Variants in GATA5 observed in about 807,000 individuals in gnomAD.
GATA5 encodes the protein transcription factor GATA-5.
Under a neutral mutation model 35.0 loss-of-function variants are expected in GATA5, and 27 were observed. That is an observed-to-expected ratio of 0.77 (90% CI 0.57 to 1.06). The LOEUF is 1.06. Among genes scored for constraint, GATA5 ranks in the 50% least tolerant of loss-of-function variants. The pLI is 0.00. For synonymous variants in GATA5, 306 were observed against 267.8 expected (o/e 1.14, Z -1.39); for missense variants, 612 against 580.0 (o/e 1.06, Z -0.57).
In GATA5 at chr20:62,473,508, C is replaced by T. The variant is rs781910978; in HGVS notation, c.594G>A (p.Pro198=). 5.6e-5 allele frequency: 90 copies of T among 1,608,902 alleles called. No individual in the cohort carries two copies. The highest frequency in any genetic ancestry group is 6.6e-5 in the South Asian group (6 of 90,334). The change falls in exon 3 of 7, where the codon CCG becomes CCA. Residue 198 remains proline (P), a synonymous_variant. Transcript: ENST00000252997. ...GGCCGGTGCCGTCTCGGCGCCACAG[C>T]GGTGTGGACAGGGCCCCGCAGTTGA... ...ECVNCGALST[P]LWRRDGTGHY... is the part of the protein sequence containing the mutation.
At chr20:62,471,287 C>G (rs1555896506) in intron 3 of GATA5, among the ~76,000 whole-genome samples, 1 of 151,948 alleles carries the variant, frequency 6.6e-6, no homozygotes. Context: ...GAGGGGCAGC[C>G]CTTTGCATGG....
chr20:62,465,510 C>T lies in GATA5; in HGVS notation c.914-46G>A, dbSNP rs782410621. The stretch of plus-strand genomic sequence containing the variant: ...TTTACAGAGGGGTCAGGTGTGGCCT[C>T]ACTTCCCCTTCCTGCCATGTAGCGG... On this transcript the variant is annotated intron_variant, in intron 5 of 6. Transcript: ENST00000252997. The T allele has an allele frequency of 8.9e-6, 14 of 1,573,796 alleles. No homozygotes were observed. In the East Asian group the frequency reaches 2.7e-4, roughly 30 times the overall value.
In GATA5 at chr20:62,470,390, C is replaced by G. The variant is rs1353230119; in HGVS notation, c.699+3013G>C. Among the ~76,000 whole-genome samples the G allele has an allele frequency of 1.3e-5, 2 of 152,226 alleles. No individual in the cohort carries two copies. Among genetic ancestry groups the G allele is most frequent in the African/African-American group, 4.8e-5 (2 of 41,462 alleles). On this transcript the variant is annotated intron_variant, in intron 3 of 6. Coordinates refer to ENST00000252997, the MANE Select transcript of GATA5 (RefSeq NM_080473.5). This position sits in a 1 kb window ranked among gnomAD's most constrained non-coding sequence, Gnocchi z 4.6. The stretch of plus-strand genomic sequence containing the variant: ...AGGCTGCTGTGCCGCAGAGTCTGAG[C>G]CTTGGGGACGGGTGAGTGGCTGGAA...
intron 1 of GATA5, 55 bp from the exon 2 acceptor site, chr20:62,475,597 G>A (rs972267570): frequency 3.5e-6 from 4 of 1,150,192 alleles, no homozygotes; most frequent in Non-Finnish European, 4.4e-6. Flanking sequence ...CCCTCCGCCA[G>A]CGCCCGAGCT....
intron 3 of GATA5, among the ~76,000 whole-genome samples, chr20:62,472,632 C>T (rs552908937): frequency 3.3e-5 from 5 of 152,198 alleles, no homozygotes; most frequent in South Asian, 4.1e-4. Flanking sequence ...ACATCAACAC[C>T]CCAAATCCTT....
At chr20:62,472,051 C>T (rs1291507862) in intron 3 of GATA5, among the ~76,000 whole-genome samples, 1 of 152,084 alleles carries the variant, frequency 6.6e-6, no homozygotes, top group Non-Finnish European at 1.5e-5. Flanking sequence ...TGGCCCCTAA[C>T]CCCTTCTTAA....
chr20:62,464,769 G>A lies in GATA5; in HGVS notation c.*67C>T. ...GTCTCTGCTGTGCTGGAGCAAAGCA[G>A]GCACGGAGGTGACTCAGTGGGTGGT... On this transcript the variant is annotated 3_prime_UTR_variant, in exon 7 of 7. Transcript: ENST00000252997. 1 of 1,362,612 alleles carries A rather than the reference G, an allele frequency of 7.3e-7. No homozygotes were observed. The highest frequency in any genetic ancestry group is 1.5e-5 in the African/African-American group (1 of 67,006). The allele number at this position is 1,362,612 out of a possible 1,614,324, so 84.4% of individuals were successfully genotyped here. A position where few individuals can be genotyped will look rare whatever the true frequency, so the allele number is the denominator to read the frequency against.
chr20:62,466,392 G>A (rs1352814622), intron 4 of GATA5, 34 bp downstream of exon 4: 24 of 1,551,786 alleles, frequency 1.5e-5, no homozygotes, highest in East Asian at 2.4e-5. Flanking sequence ...GCTGGACAGA[G>A]GCCTCCCCGC....
rs1276202653 is a variant in GATA5 at position 62,475,228 on chromosome 20, G to A, written c.294C>T (p.Ser98=). 23 of 1,249,206 alleles carry A rather than the reference G, an allele frequency of 1.8e-5. No homozygotes were observed. Among genetic ancestry groups the A allele is most frequent in the African/African-American group, 3.1e-5 (2 of 64,588 alleles). The allele number at this position is 1,249,206 out of a possible 1,614,324, so 77.4% of individuals were successfully genotyped here. A position where few individuals can be genotyped will look rare whatever the true frequency, so the allele number is the denominator to read the frequency against. ...PGATAFPFAH[S]PSGPGSGGSA... ...TGCCGCCGCTGCCGGGCCCCGAGGG[G>A]CTGTGCGCGAAAGGGAAGGCGGTGG... The change falls in exon 2 of 7, where the codon AGC becomes AGT. Residue 98 remains serine, a synonymous_variant. Coordinates refer to ENST00000252997, the MANE Select transcript of GATA5 (RefSeq NM_080473.5).
intron 4 of GATA5, among the ~76,000 whole-genome samples, 171 bp downstream of exon 4, chr20:62,466,255 C>T (rs1175938602): frequency 1.3e-5 from 2 of 152,232 alleles, no homozygotes; most frequent in African/African-American, 4.8e-5. Flanking sequence ...ATAGCCCGGG[C>T]CCCCGGGGGT....
intron 3 of GATA5, among the ~76,000 whole-genome samples, chr20:62,466,897 G>A (rs1989606717): frequency 6.6e-6 from 1 of 152,218 alleles, no homozygotes. Context: ...TGGACCCCGC[G>A]GTTCTGCAGT....
chr20:62,466,198 C>T (rs1033823171), intron 4 of GATA5, among the ~76,000 whole-genome samples: 5 of 152,238 alleles, frequency 3.3e-5, no homozygotes, highest in Non-Finnish European at 5.9e-5. Context: ...GGCCGAATGG[C>T]TGTGGTGAGC....
chr20:62,470,946 G>A lies in GATA5; in HGVS notation c.699+2457C>T, dbSNP rs998891580. On this transcript the variant is annotated intron_variant, in intron 3 of 6. Transcript: ENST00000252997. This position sits in a 1 kb window ranked among gnomAD's most constrained non-coding sequence, Gnocchi z 4.6. ...GACCAGGGAATGGAGGCCTCATCACGCCAAGGGCCCCCATTAGCCCGTCCT... is the reference window on the plus strand; with the variant it reads ...GACCAGGGAATGGAGGCCTCATCACACCAAGGGCCCCCATTAGCCCGTCCT... 1.3e-5 allele frequency among the ~76,000 whole-genome samples: 2 copies of A among 152,174 alleles called. No homozygotes were observed. The highest frequency in any genetic ancestry group is 2.9e-5 in the Non-Finnish European group (2 of 68,016).
chr20:62,465,494 G>A, intron 5 of GATA5, 30 bp from the exon 6 acceptor site: 1 of 1,592,506 alleles, frequency 6.3e-7, no homozygotes, highest in Non-Finnish European at 8.5e-7. Flanking sequence ...GTTTACAGAG[G>A]GGTCAGGTGT....
In GATA5 at chr20:62,473,466, G is replaced by C. The variant is rs1555896767; in HGVS notation, c.636C>G (p.Ala212=). Residue 212 remains alanine, a synonymous_variant, in exon 3 of 7, where the codon GCC becomes GCG. Coordinates refer to ENST00000252997, the MANE Select transcript of GATA5 (RefSeq NM_080473.5). ...CATTCATCTTGTGGTAGAGGCCGCA[G>C]GCATTGCACAGGTAGTGGCCGGTGC... The part of the protein sequence containing the change: ...RDGTGHYLCN[A]CGLYHKMNGV... 3 of 1,611,602 alleles carry C rather than the reference G, an allele frequency of 1.9e-6. No homozygotes were observed. Among genetic ancestry groups the C allele is most frequent in the Non-Finnish European group, 2.5e-6 (3 of 1,179,372 alleles).
rs113227526 is a variant in GATA5, at chr20:62,466,598, G to A, written c.700-47C>T. On this transcript the variant is annotated intron_variant, in intron 3 of 6. Transcript: ENST00000252997. ...GAGTGAGCCCCGGGCCGGGTGCGCG[G>A]CTGGAGCAGGGGGACGGAAGCGAGA... 1.8e-3 allele frequency: 2,672 copies of A among 1,525,768 alleles called. 48 individuals are homozygous for A. In the African/African-American group the frequency reaches 0.03, roughly 17 times the overall value. 94.5% of individuals were successfully genotyped at this position (1,525,768 alleles called of 1,614,324 possible).
rs75105648 is a variant in GATA5, at chr20:62,465,928, G to A, written c.826-7C>T. The A allele has an allele frequency of 6.7e-4, 1,058 of 1,573,882 alleles. 16 individuals are homozygous for A. In the East Asian group the frequency reaches 0.02, roughly 29 times the overall value. On this transcript the variant is annotated splice_polypyrimidine_tract_variant and splice_region_variant and intron_variant, in intron 4 of 6. Transcript: ENST00000252997. ...TAGCCAGAGGCCGCGGCACCTGGCA[G>A]GGGTGGCGAGGGTGGAGGCTGGTCC...
At position 62,468,937 on chromosome 20, in the gene GATA5, C is replaced by T. The variant is rs1989659462; in HGVS notation, c.700-2386G>A. Among the ~76,000 whole-genome samples, 4 of 152,230 alleles carry T rather than the reference C, an allele frequency of 2.6e-5. No homozygotes were observed. The South Asian group carries it at 8.3e-4, about 31-fold the overall frequency. On this transcript the variant is annotated intron_variant, in intron 3 of 6. Transcript: ENST00000252997. The stretch of plus-strand genomic sequence containing the variant: ...GATGGTGTCTCTCCCTGGGATGCCC[C>T]CTGCCACACCCTGATGGGTCTAGAA...
intron 4 of GATA5, among the ~76,000 whole-genome samples, chr20:62,466,171 T>C (rs1003905404): frequency 2.6e-5 from 4 of 152,286 alleles, no homozygotes; most frequent in African/African-American, 9.6e-5. Context: ...GCAGGAGCAG[T>C]GTCCTTGTCT....
Sources: gnomAD v4.1 joint callset for allele counts (sites outside exome capture counted in the v4.1 genomes callset) on GRCh38, gnomAD v4.1.1 for gene constraint, Gnocchi (gnomAD v3.1) non-coding constraint, MANE v1.5 for transcripts, NCBI Gene and HGNC (gene_info 2026-07-23, HGNC 2026-07-21) for gene names.